Variants in APH1B observed in about 807,000 individuals in gnomAD.
The protein encoded by APH1B is aph-1B gamma-secretase subunit, also known as gamma-secretase subunit APH-1B.
A neutral mutation model predicts 28.2 loss-of-function variants in APH1B; 27 were observed. The observed-to-expected ratio is 0.96, with a 90% CI of 0.70 to 1.32. The LOEUF (loss-of-function observed/expected upper bound fraction) is 1.32, where lower values mean the gene tolerates loss of function less well. APH1B is among the 40% of genes most tolerant of loss of function. The probability of loss-of-function intolerance (pLI) is 0.00; values close to 1 mark genes in which losing one functional copy is unlikely to be tolerated. For synonymous variants in APH1B, 141 were observed against 124.6 expected (o/e 1.13, Z -0.88); for missense variants, 305 against 313.6 (o/e 0.97, Z 0.21).
At chr15:63,279,054 C>G in intron 1 of APH1B, 107 bp from the exon 2 acceptor site, 2 of 924,348 alleles carry the variant, frequency 2.2e-6, no homozygotes, top group Non-Finnish European at 3.0e-6. Flanking sequence ...ATTGAAACGT[C>G]AAGAAATCTC....
chr15:63,306,900 A>G lies in APH1B; in HGVS notation c.*1119A>G, dbSNP rs1349077653. On this transcript the variant is annotated 3_prime_UTR_variant, in exon 6 of 6. Transcript: ENST00000261879. ...ATCCATATGCTCTTTAGATCTAGTC[A>G]GTGTCTCTGGGTTTTGGTAGCAGAT... The G allele has an allele frequency of 6.6e-6, 1 of 152,250 alleles. No individual in the cohort carries two copies. Among genetic ancestry groups the G allele is most frequent in the Non-Finnish European group, 1.5e-5 (1 of 68,050 alleles). 9.4% of individuals were successfully genotyped at this position (152,250 alleles called of 1,614,324 possible). A position where few individuals can be genotyped will look rare whatever the true frequency, so the allele number is the denominator to read the frequency against.
chr15:63,287,274 C>A (rs1377676852), intron 3 of APH1B, 150 bp from the exon 4 acceptor site: 3 of 992,214 alleles, frequency 3.0e-6, no homozygotes, highest in African/African-American at 3.3e-5. Flanking sequence ...TTTAGCCAAG[C>A]ACATGCCTCT....
At chr15:63,284,338 C>A (rs2038423349) in intron 2 of APH1B, among the ~76,000 whole-genome samples, 1 of 151,924 alleles carries the variant, frequency 6.6e-6, no homozygotes, top group Non-Finnish European at 1.5e-5. Flanking sequence ...CTCAGCCTCC[C>A]AGGTAGCTGG....
Position 63,304,326 on chromosome 15 carries a change from CTAGT to C in APH1B, c.607-1285_607-1282del, listed in dbSNP as rs1287306809. On this transcript the variant is annotated intron_variant, in intron 5 of 5. Coordinates refer to ENST00000261879, the MANE Select transcript of APH1B (RefSeq NM_031301.4). The surrounding 1 kb of genome is among the most constrained non-coding windows in gnomAD (Gnocchi z 5.1). ...GAATGTTTTGATTTTCATCTAGGTG[CTAGT>C]TACACAGGTGTGTTCATGCTGGGAA... 6.6e-6 allele frequency among the ~76,000 whole-genome samples: 1 copy of C among 152,144 alleles called. No individual in the cohort carries two copies. Among genetic ancestry groups the C allele is most frequent in the Non-Finnish European group, 1.5e-5 (1 of 68,032 alleles).
At position 63,302,487 on chromosome 15, in the gene APH1B, C is replaced by T; in HGVS notation, c.606+15C>T. 2 of 1,610,888 alleles carry T rather than the reference C, an allele frequency of 1.2e-6. No individual in the cohort carries two copies. Among genetic ancestry groups the T allele is most frequent in the Non-Finnish European group, 1.7e-6 (2 of 1,178,574 alleles). ...TGTCAGCCCAGGTGAGTGTTGCCGC[C>T]ATGCTCAGACTGTATTCTGGAACTC... On this transcript the variant is annotated intron_variant, in intron 5 of 5. Transcript: ENST00000261879.
chr15:63,279,127 G>T, intron 1 of APH1B, 34 bp from the exon 2 acceptor site: 4 of 1,498,678 alleles, frequency 2.7e-6, no homozygotes, highest in South Asian at 2.6e-5. Flanking sequence ...CTGTACTGAT[G>T]TTCACTTGTA....
At chr15:63,301,370 A>G (rs552120618) in intron 4 of APH1B, among the ~76,000 whole-genome samples, 8 of 152,296 alleles carry the variant, frequency 5.3e-5, no homozygotes, top group Non-Finnish European at 1.0e-4. Context: ...GAAAGAGGAA[A>G]TCTAGATGCC....
chr15:63,286,848 G>A (rs1320630708), intron 3 of APH1B, among the ~76,000 whole-genome samples: 3 of 152,096 alleles, frequency 2.0e-5, no homozygotes. Flanking sequence ...TATTAACCAG[G>A]TTTGAAAGTT....
rs571379195 is a variant in APH1B at position 63,307,470 on chromosome 15, A to C, written c.*1689A>C. 1 of 152,224 alleles carries C rather than the reference A, an allele frequency of 6.6e-6. No homozygotes were observed. The highest frequency in any genetic ancestry group is 2.4e-5 in the African/African-American group (1 of 41,448). The allele number at this position is 152,224 out of a possible 1,614,324, so 9.4% of individuals were successfully genotyped here. A position where few individuals can be genotyped will look rare whatever the true frequency, so the allele number is the denominator to read the frequency against. On this transcript the variant is annotated 3_prime_UTR_variant, in exon 6 of 6. Coordinates refer to ENST00000261879, the MANE Select transcript of APH1B (RefSeq NM_031301.4). ...TTATTCCCCTAAAGTTTACTTCAGCACTAACACTAGTGCTTCCGCTGGAGT... is the reference window on the plus strand; with the variant it reads ...TTATTCCCCTAAAGTTTACTTCAGCCCTAACACTAGTGCTTCCGCTGGAGT...
intron 4 of APH1B, among the ~76,000 whole-genome samples, chr15:63,297,233 T>C (rs902803716): frequency 6.6e-6 from 1 of 152,200 alleles, no homozygotes; most frequent in Non-Finnish European, 1.5e-5. Flanking sequence ...GGCTTAAGAA[T>C]ATTAGAACAG....
intron 4 of APH1B, among the ~76,000 whole-genome samples, chr15:63,292,334 A>G (rs1443714507): frequency 4.6e-5 from 7 of 152,130 alleles, no homozygotes; most frequent in African/African-American, 1.7e-4. Context: ...ATACAGTGAT[A>G]CTCTATACGC....
intron 4 of APH1B, among the ~76,000 whole-genome samples, chr15:63,298,222 T>C (rs2038588068): frequency 1.3e-5 from 2 of 152,112 alleles, no homozygotes; most frequent in Admixed American, 6.6e-5. Flanking sequence ...TTTTTATTTA[T>C]TTTTTTGAGA....
chr15:63,300,174 T>C (rs1227481986), intron 4 of APH1B, among the ~76,000 whole-genome samples: 1 of 152,142 alleles, frequency 6.6e-6, no homozygotes, highest in Non-Finnish European at 1.5e-5. Flanking sequence ...CAAGAAGCTC[T>C]GGTGCCATCT....
intron 2 of APH1B, among the ~76,000 whole-genome samples, chr15:63,282,703 A>G (rs1295352755): frequency 6.6e-6 from 1 of 152,182 alleles, no homozygotes; most frequent in African/African-American, 2.4e-5. Context: ...TTGTAATTTA[A>G]TTCAATTTTG....
chr15:63,300,460 G>A (rs1331342832), intron 4 of APH1B, among the ~76,000 whole-genome samples: 1 of 151,996 alleles, frequency 6.6e-6, no homozygotes, highest in African/African-American at 2.4e-5. Flanking sequence ...AAAAATCAGT[G>A]TTTCCATTTG....
At chr15:63,290,791 C>T (rs1414851767) in intron 4 of APH1B, among the ~76,000 whole-genome samples, 1 of 152,202 alleles carries the variant, frequency 6.6e-6, no homozygotes, top group African/African-American at 2.4e-5. Flanking sequence ...GCTCTGTCCT[C>T]GGCATCTTGT....
At position 63,286,593 on chromosome 15, in the gene APH1B, G is replaced by T. The variant is rs1434157413; in HGVS notation, c.320G>T (p.Gly107Val). The stretch of plus-strand genomic sequence containing the variant: ...GAAGGTTTGAAGAGTATAAACCCAG[G>T]TGAGACAGCACCCTCTATGCGACTG... ...ASEGLKSINP[G>V]ETAPSMRLLA... Residue 107 changes from glycine to valine, a missense_variant, in exon 3 of 6, where the codon GGT becomes GTT. Gly to Val is a moderately radical substitution (Grantham distance 109, BLOSUM62 -3). Transcript: ENST00000261879. 6.2e-7 allele frequency: 1 copy of T among 1,607,836 alleles called. No individual in the cohort carries two copies. Among genetic ancestry groups the T allele is most frequent in the East Asian group, 2.2e-5 (1 of 44,556 alleles).
At chr15:63,301,836 TCCTGACTCAAGTGATCTG>T (rs1357225384) in intron 4 of APH1B, among the ~76,000 whole-genome samples, 1 of 152,178 alleles carries the variant, frequency 6.6e-6, no homozygotes, top group African/African-American at 2.4e-5. Flanking sequence ...GGTCTCAAAC[TCCTGACTCAAGTGATCTG>T]CCTGCCTCGG....
chr15:63,288,081 G>A (rs1288024713), intron 4 of APH1B, among the ~76,000 whole-genome samples: 1 of 152,196 alleles, frequency 6.6e-6, no homozygotes, highest in African/African-American at 2.4e-5. Context: ...TTGAGAGTTG[G>A]TAGCGTACAT....
Sources: allele counts gnomAD v4.1 joint callset (sites outside exome capture counted in the v4.1 genomes callset), GRCh38; gene constraint gnomAD v4.1.1; non-coding constraint Gnocchi (gnomAD v3.1); transcripts MANE v1.5; gene names NCBI Gene and HGNC (gene_info 2026-07-23, HGNC 2026-07-21).